The following MLIP variants were observed in gnomAD, a reference collection of about 807,000 sequenced individuals.
MLIP encodes the protein muscular LMNA interacting protein.
A neutral mutation model predicts 84.8 loss-of-function variants in MLIP; 79 were observed. The ratio of observed to expected loss-of-function variants is 0.93; its 90% CI spans 0.78 to 1.12. The LOEUF is 1.12. MLIP is among the 50% of genes most tolerant of loss of function. MLIP has a pLI of 0.00. For synonymous variants in MLIP, 504 were observed against 463.0 expected (o/e 1.09, Z -1.14); for missense variants, 1,257 against 1,160.6 (o/e 1.08, Z -1.21).
intron 4 of MLIP, among the ~76,000 whole-genome samples, chr6:54,148,503 G>T (rs192396794): frequency 6.6e-6 from 1 of 152,084 alleles, no homozygotes. Context: ...TCTTTATGGA[G>T]TTACATTGCT....
intron 1 of MLIP, among the ~76,000 whole-genome samples, chr6:54,091,179 G>A (rs1767848180): frequency 6.6e-6 from 1 of 152,092 alleles, no homozygotes. Flanking sequence ...ATTGAGAACT[G>A]CTTCTGTAGA....
At position 54,111,527 on chromosome 6, in the gene MLIP, C is replaced by T. The variant is rs769079758; in HGVS notation, c.48C>T (p.Phe16=). 27 of 1,536,030 alleles carry T rather than the reference C, an allele frequency of 1.8e-5. No individual in the cohort carries two copies. In the South Asian group the frequency reaches 2.7e-4, roughly 16 times the overall value. The part of the protein sequence containing the change: ...GLLSDCGNNY[F]QMTSCILSGS... ...TGAGTGACTGCGGGAACAATTACTT[C>T]CAAATGACCTCGTGCATCTTATCAG... The change falls in exon 1 of 14, where the codon TTC becomes TTT. Residue 16 remains phenylalanine (F), a synonymous_variant. Transcript: ENST00000502396.
At chr6:54,241,614 C>T (rs1781742375) in intron 12 of MLIP, among the ~76,000 whole-genome samples, 1 of 151,676 alleles carries the variant, frequency 6.6e-6, no homozygotes, top group Admixed American at 6.6e-5. Flanking sequence ...ATTAAAGTGC[C>T]CTTTTCATAA....
At chr6:54,125,027 A>C (rs1375725326) in intron 3 of MLIP, among the ~76,000 whole-genome samples, 162 bp downstream of exon 3, 1 of 152,274 alleles carries the variant, frequency 6.6e-6, no homozygotes. Flanking sequence ...ATCATAGTGT[A>C]AACACAGATA....
chr6:54,072,453 G>A (rs1582075555), intron 1 of MLIP, among the ~76,000 whole-genome samples: 1 of 152,106 alleles, frequency 6.6e-6, no homozygotes, highest in South Asian at 2.1e-4. Context: ...ATACAAACCT[G>A]TTGGTCCTAT....
chr6:54,103,145 T>C (rs1768774877), intron 1 of MLIP, among the ~76,000 whole-genome samples: 1 of 152,044 alleles, frequency 6.6e-6, no homozygotes, highest in South Asian at 2.1e-4. Flanking sequence ...TTAATCTTAC[T>C]CCATTTTAAA....
At chr6:54,058,157 AC>A (rs1490957124) in intron 1 of MLIP, among the ~76,000 whole-genome samples, 17 of 151,626 alleles carry the variant, frequency 1.1e-4, no homozygotes, top group African/African-American at 3.4e-4. Flanking sequence ...TAGAAAAAAA[AC>A]ATGTAGGATA....
intron 13 of MLIP, among the ~76,000 whole-genome samples, chr6:54,263,047 G>A (rs1258946202): frequency 6.6e-6 from 1 of 152,014 alleles, no homozygotes; most frequent in African/African-American, 2.4e-5. Flanking sequence ...CATCTCAACA[G>A]ATTAAAGTTG....
At chr6:54,041,563 T>C (rs1309661985) in intron 1 of MLIP, among the ~76,000 whole-genome samples, 1 of 152,110 alleles carries the variant, frequency 6.6e-6, no homozygotes, top group African/African-American at 2.4e-5. Flanking sequence ...TGAGTTCCAG[T>C]TGGTCTACAT....
At chr6:54,122,372 A>C (rs569592955) in intron 2 of MLIP, among the ~76,000 whole-genome samples, 69 of 152,316 alleles carry the variant, frequency 4.5e-4, no homozygotes, top group South Asian at 1.7e-3. Context: ...AATGAGACCA[A>C]GATGGGAAGT....
At chr6:54,139,661 A>C (rs955942493) in intron 4 of MLIP, among the ~76,000 whole-genome samples, 3 of 152,186 alleles carry the variant, frequency 2.0e-5, no homozygotes, top group Non-Finnish European at 4.4e-5. Context: ...AGTTGATAAT[A>C]CTATTTTCCC....
intron 9 of MLIP, among the ~76,000 whole-genome samples, chr6:54,181,405 T>G (rs1776853165): frequency 1.2e-4 from 1 of 8,568 alleles, no homozygotes; most frequent in South Asian, 0.042. Flanking sequence ...GGACTCACCC[T>G]TCAGGCAATG....
At position 54,121,443 on chromosome 6, in the gene MLIP, A is replaced by G. The variant is rs753813583; in HGVS notation, c.97-4A>G. ...GAAAGTCTAATTAACTACATGTCTC[A>G]TAGGTCTCTGCTGGTGGTTCTGAAG... On this transcript the variant is annotated splice_polypyrimidine_tract_variant and splice_region_variant and intron_variant, in intron 1 of 13. Transcript: ENST00000502396. The G allele has an allele frequency of 7.4e-6, 12 of 1,613,004 alleles. No individual in the cohort carries two copies. The African/African-American group carries it at 1.5e-4, about 20-fold the overall frequency.
At chr6:54,211,239 A>T (rs2150742099) in intron 11 of MLIP, among the ~76,000 whole-genome samples, 1 of 152,350 alleles carries the variant, frequency 6.6e-6, no homozygotes, top group African/African-American at 2.4e-5. Context: ...AAATAAAAAT[A>T]AAAATCAATA....
chr6:54,074,411 T>G (rs929679256), intron 1 of MLIP, among the ~76,000 whole-genome samples: 1 of 152,110 alleles, frequency 6.6e-6, no homozygotes, highest in Non-Finnish European at 1.5e-5. Context: ...GCGATGATTT[T>G]TTTTTCTGTT....
intron 1 of MLIP, among the ~76,000 whole-genome samples, chr6:54,040,397 T>C (rs140389578): frequency 2.6e-4 from 40 of 152,038 alleles, no homozygotes; most frequent in Middle Eastern, 3.4e-3. Flanking sequence ...GAATGGCTAG[T>C]ATTAAAAGTC....
chr6:54,145,850 A>C (rs1772772803), intron 4 of MLIP, among the ~76,000 whole-genome samples: 1 of 151,942 alleles, frequency 6.6e-6, no homozygotes, highest in Non-Finnish European at 1.5e-5. Context: ...CGTTAGTTGA[A>C]CAACCATAAA....
At chr6:54,220,627 A>G (rs1780154638) in intron 11 of MLIP, among the ~76,000 whole-genome samples, 1 of 152,176 alleles carries the variant, frequency 6.6e-6, no homozygotes, top group Non-Finnish European at 1.5e-5. Context: ...ATGCAGTTGG[A>G]TCAAAGTATA....
intron 1 of MLIP, among the ~76,000 whole-genome samples, chr6:54,025,093 C>A (rs571969916): frequency 7.1e-4 from 108 of 151,942 alleles, no homozygotes; most frequent in Admixed American, 2.3e-3. Context: ...AGGCACTCTG[C>A]CCGCCTCGGC....
Sources: gnomAD v4.1 joint callset for allele counts (sites outside exome capture counted in the v4.1 genomes callset) on GRCh38, gnomAD v4.1.1 for gene constraint, MANE v1.5 for transcripts, NCBI Gene and HGNC (gene_info 2026-07-23, HGNC 2026-07-21) for gene names.